Variants in SOX10 observed in about 807,000 individuals in gnomAD.
SOX10 encodes SRY-box transcription factor 10, also known as transcription factor SOX-10.
SOX10 carries 3 observed loss-of-function variants against 35.0 expected under a neutral mutation model. The ratio of observed to expected loss-of-function variants is 0.09; its 90% CI spans 0.04 to 0.22. The LOEUF is 0.22. SOX10 is among the 10% of genes least tolerant of loss of function. The probability of loss-of-function intolerance (pLI) is 1.00; values close to 1 mark genes in which losing one functional copy is unlikely to be tolerated. For synonymous variants in SOX10, 285 were observed against 291.0 expected (o/e 0.98, Z 0.21); for missense variants, 436 against 655.1 (o/e 0.67, Z 3.65).
chr22:37,973,877 A>G lies in SOX10; in HGVS notation c.1019T>C (p.Val340Ala), dbSNP rs1422616172. 2 of 1,610,414 alleles carry G rather than the reference A, an allele frequency of 1.2e-6. No individual in the cohort carries two copies. Among genetic ancestry groups the G allele is most frequent in the South Asian group, 1.1e-5 (1 of 91,064 alleles). ...AGGTGGTGAGACCGTGGGCAGAGCC[A>G]CGCCTGGTGGCTTGGAGATCCAGGC... ...HSAWISKPPGVALPTVSPPGV... is the reference protein window; with the variant it reads ...HSAWISKPPGAALPTVSPPGV... Residue 340 changes from valine to alanine, a missense_variant, in exon 4 of 4, where the codon GTG (valine) becomes GCG (alanine). Val to Ala is a moderately conservative substitution (Grantham distance 64, BLOSUM62 0). This residue lies in a region of SOX10 where 285 missense variants were observed against 402.9 expected (regional missense o/e 0.71). Transcript: ENST00000396884.
intron 3 of SOX10, among the ~76,000 whole-genome samples, chr22:37,975,917 T>C (rs1932205077): frequency 6.8e-6 from 1 of 147,536 alleles, no homozygotes; most frequent in South Asian, 2.1e-4. Context: ...TGCACTTGTT[T>C]CTCTCTCTAT....
chr22:37,974,441 C>T lies in SOX10; in HGVS notation c.698-243G>A, dbSNP rs1259839977. On this transcript the variant is annotated intron_variant, in intron 3 of 3. Coordinates refer to ENST00000396884, the MANE Select transcript of SOX10 (RefSeq NM_006941.4). The surrounding 1 kb of genome is among the most constrained non-coding windows in gnomAD (Gnocchi z 5.4). Reference sequence around the variant, plus strand: ...CATCTCGGCTCACTGCAACCTCTGCCTCCTGGGTTCAAATGATTCTCCTGC... The same window carrying T: ...CATCTCGGCTCACTGCAACCTCTGCTTCCTGGGTTCAAATGATTCTCCTGC... Among the ~76,000 whole-genome samples, 1 of 151,782 alleles carries T rather than the reference C, an allele frequency of 6.6e-6. No homozygotes were observed. The highest frequency in any genetic ancestry group is 1.5e-5 in the Non-Finnish European group (1 of 67,960).
chr22:37,976,870 G>A (rs939925610), intron 3 of SOX10, among the ~76,000 whole-genome samples: 2 of 152,026 alleles, frequency 1.3e-5, no homozygotes, highest in Non-Finnish European at 2.9e-5. Flanking sequence ...CCCATCCATG[G>A]CCAGACACGG....
chr22:37,983,895 C>T lies in SOX10; in HGVS notation c.-84-27G>A. ...TGGATGGAAGGAGGGCGCGATGGAG[C>T]GGCCGCGCGCGCAGCCCCGAGGGCG... On this transcript the variant is annotated intron_variant, in intron 1 of 3. Transcript: ENST00000396884. This position sits in a 1 kb window ranked among gnomAD's most constrained non-coding sequence, Gnocchi z 9.5. 1.3e-5 allele frequency: 12 copies of T among 942,410 alleles called. No individual in the cohort carries two copies. Among genetic ancestry groups the T allele is most frequent in the Non-Finnish European group, 1.7e-5 (12 of 712,948 alleles). 58.4% of individuals were successfully genotyped at this position (942,410 alleles called of 1,614,324 possible).
chr22:37,978,121 C>T lies in SOX10; in HGVS notation c.443G>A (p.Ser148Asn), dbSNP rs1331853919. 6.4e-7 allele frequency: 1 copy of T among 1,573,922 alleles called. No individual in the cohort carries two copies. The highest frequency in any genetic ancestry group is 1.3e-5 in the African/African-American group (1 of 74,312). Residue 148 changes from serine to asparagine, a missense_variant, in exon 3 of 4, where the codon AGT becomes AAT. Coordinates refer to ENST00000396884, the MANE Select transcript of SOX10 (RefSeq NM_006941.4). This position sits in a 1 kb window ranked among gnomAD's most constrained non-coding sequence, Gnocchi z 5.0. ...CTCCTCGATGAAGGGGCGCTTGTCA[C>T]TTTCGTTCAGCAGCCTGGGGTGTGG... is the stretch of plus-strand genomic sequence containing the variant. Reference protein sequence around the residue: ...LGKLWRLLNESDKRPFIEEAE... With the variant: ...LGKLWRLLNENDKRPFIEEAE...
Position 37,978,030 on chromosome 22 carries a change from C to A in SOX10, c.534G>T (p.Arg178=). The change falls in exon 3 of 4, where the codon CGG becomes CGT. Residue 178 remains arginine, a synonymous_variant. Coordinates refer to ENST00000396884, the MANE Select transcript of SOX10 (RefSeq NM_006941.4). The surrounding 1 kb of genome is among the most constrained non-coding windows in gnomAD (Gnocchi z 5.0). Reference sequence around the variant, plus strand: ...CGCCCTGGGCGGCCTTCCCGTTCTTCCGCCGCCTGGGCTGGTACTTGTAGT... The same window carrying A: ...CGCCCTGGGCGGCCTTCCCGTTCTTACGCCGCCTGGGCTGGTACTTGTAGT... ...HPDYKYQPRR[R]KNGKAAQGEA... 1 of 1,611,506 alleles carries A rather than the reference C, an allele frequency of 6.2e-7. No homozygotes were observed. The highest frequency in any genetic ancestry group is 8.5e-7 in the Non-Finnish European group (1 of 1,179,440).
Position 37,983,348 on chromosome 22 carries a change from G to A in SOX10, c.428+9C>T. 6.2e-7 allele frequency: 1 copy of A among 1,604,010 alleles called. No homozygotes were observed. The highest frequency in any genetic ancestry group is 1.1e-5 in the South Asian group (1 of 89,886). ...AGGGCCCGAGCCCGGGGGGCGGTCGGGTGCTCACCTCCAGAGCTTGCCCAG... is the reference window on the plus strand; with the variant it reads ...AGGGCCCGAGCCCGGGGGGCGGTCGAGTGCTCACCTCCAGAGCTTGCCCAG... On this transcript the variant is annotated intron_variant, in intron 2 of 3. Transcript: ENST00000396884. This position sits in a 1 kb window ranked among gnomAD's most constrained non-coding sequence, Gnocchi z 9.5.
intron 2 of SOX10, among the ~76,000 whole-genome samples, chr22:37,982,228 T>A (rs1932421653): frequency 6.6e-6 from 1 of 152,000 alleles, no homozygotes; most frequent in African/African-American, 2.4e-5. Flanking sequence ...AGTATGGGAG[T>A]CCTGGGTTCT....
rs1347630828 is a variant in SOX10 at position 37,974,423 on chromosome 22, G to C, written c.698-225C>G. ...ACTGGAGTGCAGTGGCGCCATCTCG[G>C]CTCACTGCAACCTCTGCCTCCTGGG... On this transcript the variant is annotated intron_variant, in intron 3 of 3. Coordinates refer to ENST00000396884, the MANE Select transcript of SOX10 (RefSeq NM_006941.4). This position sits in a 1 kb window ranked among gnomAD's most constrained non-coding sequence, Gnocchi z 5.4. Among the ~76,000 whole-genome samples the C allele has an allele frequency of 9.9e-5, 15 of 151,614 alleles. No individual in the cohort carries two copies. Among genetic ancestry groups the C allele is most frequent in the Non-Finnish European group, 1.9e-4 (13 of 67,940 alleles).
intron 2 of SOX10, among the ~76,000 whole-genome samples, chr22:37,981,381 C>T (rs958021864): frequency 6.6e-6 from 1 of 152,212 alleles, no homozygotes; most frequent in Non-Finnish European, 1.5e-5. Flanking sequence ...TGGCCCCATC[C>T]TCCCATTGGG....
chr22:37,978,075 C>T lies in SOX10; in HGVS notation c.489G>A (p.Gln163=), dbSNP rs1932278442. The T allele has an allele frequency of 3.1e-6, 5 of 1,607,554 alleles. No individual in the cohort carries two copies. The highest frequency in any genetic ancestry group is 4.2e-6 in the Non-Finnish European group (5 of 1,177,658). The change falls in exon 3 of 4, where the codon CAG becomes CAA. Residue 163 remains glutamine (Q), a synonymous_variant. Transcript: ENST00000396884. The surrounding 1 kb of genome is among the most constrained non-coding windows in gnomAD (Gnocchi z 5.0). The part of the protein sequence containing the change: ...FIEEAERLRM[Q]HKKDHPDYKY... ...TGTAGTCCGGGTGGTCTTTCTTGTG[C>T]TGCATACGGAGCCGCTCAGCCTCCT...
At position 37,978,171 on chromosome 22, in the gene SOX10, G is replaced by C. The variant is rs1932282518; in HGVS notation, c.429-36C>G. The C allele has an allele frequency of 6.7e-7, 1 of 1,497,472 alleles. No individual in the cohort carries two copies. 92.8% of individuals were successfully genotyped at this position (1,497,472 alleles called of 1,614,324 possible). ...GTGGGAGGCGGAGAGGACAGCAGAGGGGCTGGCGTGAATGCCAGAGCACTC... is the reference window on the plus strand; with the variant it reads ...GTGGGAGGCGGAGAGGACAGCAGAGCGGCTGGCGTGAATGCCAGAGCACTC... On this transcript the variant is annotated intron_variant, in intron 2 of 3. Coordinates refer to ENST00000396884, the MANE Select transcript of SOX10 (RefSeq NM_006941.4). The surrounding 1 kb of genome is among the most constrained non-coding windows in gnomAD (Gnocchi z 5.0).
chr22:37,982,585 T>C (rs1932433629), intron 2 of SOX10, among the ~76,000 whole-genome samples: 1 of 151,806 alleles, frequency 6.6e-6, no homozygotes. Context: ...CTGGCCAGAG[T>C]GCTCAGCTCC....
At position 37,974,327 on chromosome 22, in the gene SOX10, AT is replaced by A. The variant is rs991511057; in HGVS notation, c.698-130del. The A allele has an allele frequency of 8.8e-6, 6 of 678,052 alleles. No homozygotes were observed. Among genetic ancestry groups the A allele is most frequent in the Non-Finnish European group, 1.5e-5 (6 of 401,260 alleles). The allele number at this position is 678,052 out of a possible 1,614,324, so 42.0% of individuals were successfully genotyped here. ...TCTGGGAAAACCTTGTAAGTTTCAC[AT>A]TTTGGCAGCATGAGTCGGGTTTTTT... On this transcript the variant is annotated intron_variant, in intron 3 of 3. Coordinates refer to ENST00000396884, the MANE Select transcript of SOX10 (RefSeq NM_006941.4). This position sits in a 1 kb window ranked among gnomAD's most constrained non-coding sequence, Gnocchi z 5.4.
rs1932489858 is a variant in SOX10 at position 37,983,896 on chromosome 22, G to T, written c.-84-28C>A. 1 of 944,512 alleles carries T rather than the reference G, an allele frequency of 1.1e-6. No individual in the cohort carries two copies. Among genetic ancestry groups the T allele is most frequent in the Non-Finnish European group, 1.4e-6 (1 of 714,680 alleles). 58.5% of individuals were successfully genotyped at this position (944,512 alleles called of 1,614,324 possible). A position where few individuals can be genotyped will look rare whatever the true frequency, so the allele number is the denominator to read the frequency against. On this transcript the variant is annotated intron_variant, in intron 1 of 3. Transcript: ENST00000396884. This position sits in a 1 kb window ranked among gnomAD's most constrained non-coding sequence, Gnocchi z 9.5. ...GGATGGAAGGAGGGCGCGATGGAGC[G>T]GCCGCGCGCGCAGCCCCGAGGGCGG... is the stretch of plus-strand genomic sequence containing the variant.
rs1412902206 is a variant in SOX10, at chr22:37,983,815, G to A, written c.-31C>T. 1.4e-6 allele frequency: 2 copies of A among 1,403,676 alleles called. No homozygotes were observed. The highest frequency in any genetic ancestry group is 2.7e-5 in the Admixed American group (1 of 36,928). The allele number at this position is 1,403,676 out of a possible 1,614,324, so 87.0% of individuals were successfully genotyped here. A position where few individuals can be genotyped will look rare whatever the true frequency, so the allele number is the denominator to read the frequency against. On this transcript the variant is annotated 5_prime_UTR_variant, in exon 2 of 4. Transcript: ENST00000396884. This position sits in a 1 kb window ranked among gnomAD's most constrained non-coding sequence, Gnocchi z 9.5. ...CCCCGGCCGCCGCCGCCGCCGCCTC[G>A]GCCGCCTCCCCCGGGCCAGCCGCCG...
In SOX10 at chr22:37,974,195, T is replaced by A. The variant is rs1932153836; in HGVS notation, c.701A>T (p.Gln234Leu). 1 of 1,599,852 alleles carries A rather than the reference T, an allele frequency of 6.3e-7. No homozygotes were observed. Among genetic ancestry groups the A allele is most frequent in the African/African-American group, 1.3e-5 (1 of 74,870 alleles). Residue 234 changes from glutamine to leucine, a missense_variant, in exon 4 of 4, where the codon CAG becomes CTG. Gln to Leu is a moderately radical substitution (Grantham distance 113). This residue lies in a region of SOX10 where 285 missense variants were observed against 402.9 expected (regional missense o/e 0.71). Transcript: ENST00000396884. The surrounding 1 kb of genome is among the most constrained non-coding windows in gnomAD (Gnocchi z 5.4). ...TGGAGGGGTGGGTGGGCCATGGCTC[T>A]GGCCTGGGTAGAAGGGAGACAGAGA... ...SDGNPEHPSG[Q>L]SHGPPTPPTT...
rs1340927924 is a variant in SOX10 at position 37,978,820 on chromosome 22, A to G, written c.429-685T>C. On this transcript the variant is annotated intron_variant, in intron 2 of 3. Transcript: ENST00000396884. The surrounding 1 kb of genome is among the most constrained non-coding windows in gnomAD (Gnocchi z 5.0). Reference sequence around the variant, plus strand: ...GTGAGGGAATCTCACTCTGTCACCCATGCTAGAGCTCAGTGGTATGATCTC... The same window carrying G: ...GTGAGGGAATCTCACTCTGTCACCCGTGCTAGAGCTCAGTGGTATGATCTC... Among the ~76,000 whole-genome samples, 1 of 151,946 alleles carries G rather than the reference A, an allele frequency of 6.6e-6. No individual in the cohort carries two copies. Among genetic ancestry groups the G allele is most frequent in the East Asian group, 1.9e-4 (1 of 5,192 alleles).
Position 37,972,387 on chromosome 22 carries a change from G to A in SOX10, c.*1108C>T. On this transcript the variant is annotated 3_prime_UTR_variant, in exon 4 of 4. Coordinates refer to ENST00000396884, the MANE Select transcript of SOX10 (RefSeq NM_006941.4). ...AGGGGCTAGAGTGGCTAGGAGAGGG[G>A]ACTACTGAGATAAATAACAGGAGAC... is the stretch of plus-strand genomic sequence containing the variant. 1 of 431,608 alleles carries A rather than the reference G, an allele frequency of 2.3e-6. No individual in the cohort carries two copies. Among genetic ancestry groups the A allele is most frequent in the Non-Finnish European group, 4.5e-6 (1 of 222,794 alleles). 26.7% of individuals were successfully genotyped at this position (431,608 alleles called of 1,614,324 possible). A position where few individuals can be genotyped will look rare whatever the true frequency, so the allele number is the denominator to read the frequency against.
Sources: allele counts gnomAD v4.1 joint callset (sites outside exome capture counted in the v4.1 genomes callset), GRCh38; gene constraint gnomAD v4.1.1; regional missense constraint gnomAD v4.1.1; non-coding constraint Gnocchi (gnomAD v3.1); transcripts MANE v1.5; gene names NCBI Gene and HGNC (gene_info 2026-07-23, HGNC 2026-07-21).